The following PIK3C3 variants were observed in gnomAD, a reference collection of about 807,000 sequenced individuals.
The protein encoded by PIK3C3 is phosphatidylinositol 3-kinase catalytic subunit type 3.
In PIK3C3, 95 loss-of-function variants were observed where a neutral mutation model predicts 126.1. The observed-to-expected ratio is 0.75, with a 90% confidence interval of 0.64 to 0.89. The LOEUF (loss-of-function observed/expected upper bound fraction) is 0.89. Ranked by LOEUF, PIK3C3 falls within the 40% of genes least tolerant of loss-of-function variation. The pLI is 0.00. For synonymous variants in PIK3C3, 374 were observed against 360.0 expected (o/e 1.04, Z -0.44); for missense variants, 829 against 1,063.2 (o/e 0.78, Z 3.06).
intron 24 of PIK3C3, among the ~76,000 whole-genome samples, chr18:42,076,209 C>CGCAT: frequency 1.5e-5 from 2 of 131,174 alleles, no homozygotes; most frequent in Admixed American, 8.0e-5. Context: ...TATATATATG[C>CGCAT]ACATATATAT....
chr18:41,973,462 T>G (rs1419577860), intron 4 of PIK3C3, among the ~76,000 whole-genome samples: 3 of 152,128 alleles, frequency 2.0e-5, no homozygotes, highest in Non-Finnish European at 4.4e-5. Context: ...ATTAAGTTAG[T>G]TAATTTACTA....
rs1320333505 is a variant in PIK3C3, at chr18:42,005,810, A to T, written c.1170+1269A>T. Among the ~76,000 whole-genome samples the T allele has an allele frequency of 4.1e-5, 6 of 145,678 alleles. No individual in the cohort carries two copies. In the Admixed American group the frequency reaches 4.2e-4, roughly 10 times the overall value. On this transcript the variant is annotated intron_variant, in intron 10 of 24. Coordinates refer to ENST00000262039, the MANE Select transcript of PIK3C3 (RefSeq NM_002647.4). ...TATTTAATTATGGTGAAATTTAAAC[A>T]CTAAAGTAAATAGTATAATGAACCC...
chr18:41,972,951 A>G (rs1376653910), intron 4 of PIK3C3, among the ~76,000 whole-genome samples: 1 of 152,090 alleles, frequency 6.6e-6, no homozygotes, highest in Admixed American at 6.6e-5. Flanking sequence ...AATGCATTAT[A>G]GTGGGAAGAG....
intron 16 of PIK3C3, among the ~76,000 whole-genome samples, chr18:42,036,993 A>G (rs1984084242): frequency 6.6e-6 from 1 of 152,206 alleles, no homozygotes; most frequent in African/African-American, 2.4e-5. Flanking sequence ...GTGTAAAATT[A>G]CTTTCAGTTT....
chr18:41,974,735 A>G lies in PIK3C3; in HGVS notation c.531+4279A>G, dbSNP rs372596962. On this transcript the variant is annotated intron_variant, in intron 4 of 24. Transcript: ENST00000262039. ...GGTGGCTGTGGGCCTTACTTGAGCA[A>G]ATTTACCCATTGTTCCCATCTGCTC... 4.6e-5 allele frequency among the ~76,000 whole-genome samples: 7 copies of G among 152,128 alleles called. No individual in the cohort carries two copies. In the East Asian group the frequency reaches 1.2e-3, roughly 25 times the overall value.
chr18:41,988,736 A>G lies in PIK3C3; in HGVS notation c.618+838A>G, dbSNP rs116126656. On this transcript the variant is annotated intron_variant, in intron 5 of 24. Coordinates refer to ENST00000262039, the MANE Select transcript of PIK3C3 (RefSeq NM_002647.4). ...TAAAATAAAGGTAGTGATGTTTAACAACATTTATATTCAATTCTCGTATTT... is the reference window on the plus strand; with the variant it reads ...TAAAATAAAGGTAGTGATGTTTAACGACATTTATATTCAATTCTCGTATTT... Among the ~76,000 whole-genome samples the G allele has an allele frequency of 6.5e-3, 985 of 152,254 alleles. 15 individuals carry two copies. Among genetic ancestry groups the G allele is most frequent in the African/African-American group, 0.022 (898 of 41,564 alleles).
intron 24 of PIK3C3, among the ~76,000 whole-genome samples, chr18:42,074,310 C>G (rs1432549039): frequency 6.8e-6 from 1 of 148,074 alleles, no homozygotes; most frequent in African/African-American, 2.6e-5. Flanking sequence ...GGAGAACTAT[C>G]ACACACAGGA....
rs139948838 is a variant in PIK3C3 at position 41,987,059 on chromosome 18, A to G, written c.532-753A>G. 3.2e-3 allele frequency among the ~76,000 whole-genome samples: 491 copies of G among 152,148 alleles called. 1 individual carries two copies. The highest frequency in any genetic ancestry group is 0.011 in the African/African-American group (462 of 41,538). On this transcript the variant is annotated intron_variant, in intron 4 of 24. Coordinates refer to ENST00000262039, the MANE Select transcript of PIK3C3 (RefSeq NM_002647.4). Reference sequence around the variant, plus strand: ...AAGAAACTGATATAGATAAGCTACTATGTAAAGCTTTGATGTCCAGTTTTG... The same window carrying G: ...AAGAAACTGATATAGATAAGCTACTGTGTAAAGCTTTGATGTCCAGTTTTG...
chr18:41,988,497 A>G (rs1484134066), intron 5 of PIK3C3, among the ~76,000 whole-genome samples: 2 of 152,130 alleles, frequency 1.3e-5, no homozygotes, highest in Non-Finnish European at 2.9e-5. Context: ...GTTAGGCCTA[A>G]TGTTCCACAT....
intron 10 of PIK3C3, among the ~76,000 whole-genome samples, chr18:42,011,277 T>TA (rs1382250248): frequency 6.6e-6 from 1 of 152,216 alleles, no homozygotes; most frequent in Non-Finnish European, 1.5e-5. Flanking sequence ...GATGGTGTCT[T>TA]ATTCTAAAAC....
At chr18:41,997,090 A>G (rs1982063743) in intron 9 of PIK3C3, among the ~76,000 whole-genome samples, 1 of 152,132 alleles carries the variant, frequency 6.6e-6, no homozygotes, top group Non-Finnish European at 1.5e-5. Context: ...TAATACAGGT[A>G]AGTAACCTGG....
At chr18:41,992,471 C>G (rs1472494976) in intron 6 of PIK3C3, among the ~76,000 whole-genome samples, 1 of 152,158 alleles carries the variant, frequency 6.6e-6, no homozygotes, top group Non-Finnish European at 1.5e-5. Context: ...TGAAAACATA[C>G]TAGCATTTGG....
chr18:42,004,515 G>GC lies in PIK3C3; in HGVS notation c.1147dup (p.Arg383ProfsTer7). The GC allele has an allele frequency of 1.3e-6, 2 of 1,597,310 alleles. No homozygotes were observed. The highest frequency in any genetic ancestry group is 1.7e-6 in the Non-Finnish European group (2 of 1,175,572). On this transcript the variant is annotated frameshift_variant, in exon 10 of 25. Transcript: ENST00000262039. LOFTEE classifies it high-confidence loss of function. ...CCCAACTGTGAGGCGTTATGCTGTT[G>GC]CCCGGTTGCGACAGGCCGATGATGA...
intron 4 of PIK3C3, among the ~76,000 whole-genome samples, chr18:41,982,944 T>C (rs1391924742): frequency 6.6e-6 from 1 of 152,114 alleles, no homozygotes; most frequent in African/African-American, 2.4e-5. Context: ...AGATAAGTCA[T>C]AATTGATTTC....
At chr18:42,077,903 G>A (rs1986088724) in intron 24 of PIK3C3, among the ~76,000 whole-genome samples, 2 of 152,302 alleles carry the variant, frequency 1.3e-5, no homozygotes, top group Non-Finnish European at 2.9e-5. Flanking sequence ...AATAGGACTT[G>A]AAAGTAGAGT....
intron 24 of PIK3C3, among the ~76,000 whole-genome samples, chr18:42,068,605 C>T (rs1171342827): frequency 2.0e-5 from 3 of 151,988 alleles, no homozygotes; most frequent in African/African-American, 7.2e-5. Flanking sequence ...TCCTTCCCCC[C>T]ACCTCCCACT....
At chr18:42,061,576 C>T (rs952901388) in intron 22 of PIK3C3, among the ~76,000 whole-genome samples, 3 of 151,108 alleles carry the variant, frequency 2.0e-5, no homozygotes, top group African/African-American at 7.3e-5. Flanking sequence ...AACAAGACTC[C>T]ATCTAAAAAA....
intron 6 of PIK3C3, 30 bp from the exon 7 acceptor site, chr18:41,993,237 CTTT>C (rs752644166): frequency 3.8e-5 from 53 of 1,409,448 alleles, no homozygotes; most frequent in Middle Eastern, 1.8e-4. Context: ...TATTAAATTT[CTTT>C]TTTTAAAAAA....
intron 3 of PIK3C3, among the ~76,000 whole-genome samples, chr18:41,968,159 A>G (rs1980467480): frequency 6.6e-6 from 1 of 152,210 alleles, no homozygotes; most frequent in African/African-American, 2.4e-5. Context: ...TAGTAAACTG[A>G]CTTCTTGCCA....
Sources: gnomAD v4.1 joint callset for allele counts (sites outside exome capture counted in the v4.1 genomes callset) on GRCh38, gnomAD v4.1.1 for gene constraint, MANE v1.5 for transcripts, NCBI Gene and HGNC (gene_info 2026-07-23, HGNC 2026-07-21) for gene names.